Variants in DYRK1A observed in about 807,000 individuals in gnomAD.
The protein encoded by DYRK1A is dual specificity tyrosine-phosphorylation-regulated kinase 1A.
DYRK1A carries 9 observed loss-of-function variants against 79.7 expected under a neutral mutation model. The observed-to-expected ratio is 0.11, with a 90% CI of 0.07 to 0.20. The LOEUF (loss-of-function observed/expected upper bound fraction) is 0.20, where lower values mean the gene tolerates loss of function less well. Among genes scored for constraint, DYRK1A ranks in the 10% least tolerant of loss-of-function variants. DYRK1A has a pLI of 1.00. For synonymous variants in DYRK1A, 349 were observed against 329.7 expected (o/e 1.06, Z -0.63); for missense variants, 622 against 956.0 (o/e 0.65, Z 4.61).
intron 9 of DYRK1A, chr21:37,502,397 T>A (rs1326003289): frequency 6.6e-6 from 1 of 152,204 alleles, no homozygotes; most frequent in East Asian, 1.9e-4. Flanking sequence ...TTTTATCTCT[T>A]GTACTGATTT....
chr21:37,382,725 C>T (rs915699888), intron 1 of DYRK1A, among the ~76,000 whole-genome samples: 3 of 152,068 alleles, frequency 2.0e-5, no homozygotes, highest in African/African-American at 7.2e-5. Flanking sequence ...CAGCCACTGG[C>T]CTACTGAATG....
rs1320291048 is a variant in DYRK1A at position 37,480,238 on chromosome 21, G to A, written c.301-400G>A. Among the ~76,000 whole-genome samples the A allele has an allele frequency of 2.0e-5, 3 of 152,212 alleles. No individual in the cohort carries two copies. The East Asian group carries it at 5.8e-4, about 29-fold the overall frequency. ...TAAAGTTGGGATTGACTGGAAGGGG[G>A]CATGAGAGAACTTGAACTTGAGGGA... On this transcript the variant is annotated intron_variant, in intron 4 of 11. Transcript: ENST00000647188.
intron 1 of DYRK1A, among the ~76,000 whole-genome samples, chr21:37,413,638 C>T (rs16995075): frequency 0.04 from 6,119 of 152,164 alleles, 442 homozygotes; most frequent in African/African-American, 0.14. Flanking sequence ...CCTAGATGTT[C>T]AGGTTAGTGA....
intron 5 of DYRK1A, among the ~76,000 whole-genome samples, chr21:37,484,965 T>C (rs1352401685): frequency 6.6e-6 from 1 of 152,186 alleles, no homozygotes; most frequent in Non-Finnish European, 1.5e-5. Context: ...TTGGTCAGAC[T>C]TTCTCCACAT....
At chr21:37,491,163 G>A (rs546594043) in intron 7 of DYRK1A, among the ~76,000 whole-genome samples, 18 of 152,012 alleles carry the variant, frequency 1.2e-4, no homozygotes, top group African/African-American at 4.3e-4. Flanking sequence ...GTTTTTTTCA[G>A]ACTGCTAAAA....
intron 11 of DYRK1A, 59 bp downstream of exon 11, chr21:37,506,282 C>G (rs2053596179): frequency 6.2e-7 from 1 of 1,613,464 alleles, no homozygotes; most frequent in Non-Finnish European, 8.5e-7. Flanking sequence ...TGGAGCAGCA[C>G]TGGATGCCAG....
At position 37,519,908 on chromosome 21, in the gene DYRK1A, AT is replaced by A. The variant is rs1324777260; in HGVS notation, c.*7385del. 2.6e-5 allele frequency: 4 copies of A among 151,636 alleles called. No individual in the cohort carries two copies. The highest frequency in any genetic ancestry group is 1.3e-4 in the Admixed American group (2 of 15,214). The allele number at this position is 151,636 out of a possible 1,614,324, so 9.4% of individuals were successfully genotyped here. On this transcript the variant is annotated 3_prime_UTR_variant, in exon 12 of 12. Coordinates refer to ENST00000647188, the MANE Select transcript of DYRK1A (RefSeq NM_001347721.2). ...TGGCGCCCGCCACCACGCCCGGCTAATTTTTTTTGTGTATTTTTAGTAGAGA... is the reference window on the plus strand; with the variant it reads ...TGGCGCCCGCCACCACGCCCGGCTAATTTTTTTGTGTATTTTTAGTAGAGA...
intron 1 of DYRK1A, among the ~76,000 whole-genome samples, chr21:37,372,954 A>C (rs1214010083): frequency 6.6e-6 from 1 of 152,210 alleles, no homozygotes; most frequent in African/African-American, 2.4e-5. Context: ...ATTGTTCATT[A>C]AATTTCATTT....
intron 1 of DYRK1A, among the ~76,000 whole-genome samples, chr21:37,378,957 T>TC (rs2049603071): frequency 6.6e-6 from 1 of 152,088 alleles, no homozygotes; most frequent in South Asian, 2.1e-4. Flanking sequence ...CCTGAGGACT[T>TC]GACAGTCTAT....
intron 2 of DYRK1A, among the ~76,000 whole-genome samples, chr21:37,429,351 A>T (rs991129715): frequency 6.6e-6 from 1 of 152,198 alleles, no homozygotes; most frequent in African/African-American, 2.4e-5. Flanking sequence ...TTGCACTGCT[A>T]TAAAGGAAAC....
intron 9 of DYRK1A, chr21:37,501,209 T>C (rs2053439781): frequency 6.8e-6 from 1 of 146,350 alleles, no homozygotes; most frequent in African/African-American, 2.7e-5. Context: ...TCTCGCTCTG[T>C]TGCCAGGCTG....
intron 2 of DYRK1A, among the ~76,000 whole-genome samples, chr21:37,462,651 C>G (rs896412822): frequency 6.6e-6 from 1 of 152,160 alleles, no homozygotes; most frequent in Non-Finnish European, 1.5e-5. Flanking sequence ...AGCTCCTTCT[C>G]TTTTTGTTAC....
At chr21:37,377,891 AGTTGT>A (rs990025913) in intron 1 of DYRK1A, among the ~76,000 whole-genome samples, 106 of 152,322 alleles carry the variant, frequency 7.0e-4, no homozygotes, top group African/African-American at 2.2e-3. Context: ...TTGCATGTAT[AGTTGT>A]GTTCTGTGAG....
At chr21:37,495,634 A>G (rs944267043) in intron 8 of DYRK1A, among the ~76,000 whole-genome samples, 5 of 151,848 alleles carry the variant, frequency 3.3e-5, no homozygotes, top group Non-Finnish European at 7.4e-5. Flanking sequence ...TCCATCTAAA[A>G]AACAAATAGC....
intron 1 of DYRK1A, among the ~76,000 whole-genome samples, chr21:37,386,697 C>G (rs949231764): frequency 3.8e-5 from 4 of 104,048 alleles, no homozygotes; most frequent in Non-Finnish European, 8.0e-5. Context: ...AATTGGAATT[C>G]CAGGGACAGG....
At chr21:37,433,109 T>A (rs191578555) in intron 2 of DYRK1A, among the ~76,000 whole-genome samples, 1 of 151,564 alleles carries the variant, frequency 6.6e-6, no homozygotes, top group Admixed American at 6.6e-5. Flanking sequence ...TTTTAAAACA[T>A]GTTTAATGTT....
intron 1 of DYRK1A, among the ~76,000 whole-genome samples, chr21:37,406,970 A>T: frequency 6.7e-6 from 1 of 148,302 alleles, no homozygotes; most frequent in African/African-American, 2.5e-5. Context: ...ATCTTTTACA[A>T]CTCCTCCCTA....
chr21:37,490,708 C>T (rs2053061275), intron 7 of DYRK1A, among the ~76,000 whole-genome samples: 1 of 151,442 alleles, frequency 6.6e-6, no homozygotes, highest in Admixed American at 6.6e-5. Flanking sequence ...ACTTAATTAC[C>T]TTGTGTTGAT....
At chr21:37,407,759 G>C (rs971430427) in intron 1 of DYRK1A, among the ~76,000 whole-genome samples, 2 of 152,144 alleles carry the variant, frequency 1.3e-5, no homozygotes, top group Non-Finnish European at 2.9e-5. Context: ...ATATGACTTT[G>C]GGTAGCAAGA....
Sources: allele counts gnomAD v4.1 joint callset (sites outside exome capture counted in the v4.1 genomes callset), GRCh38; gene constraint gnomAD v4.1.1; transcripts MANE v1.5; gene names NCBI Gene and HGNC (gene_info 2026-07-23, HGNC 2026-07-21).